The following KREMEN1 variants were observed in gnomAD, a reference collection of about 807,000 sequenced individuals.
KREMEN1 encodes kremen protein 1.
In KREMEN1, 30 loss-of-function variants were observed where a neutral mutation model predicts 46.5. The observed-to-expected ratio is 0.65, with a 90% CI of 0.48 to 0.88. The LOEUF is 0.88. KREMEN1 is among the 40% of genes least tolerant of loss of function. The probability of loss-of-function intolerance (pLI) is 0.00; values close to 1 mark genes in which losing one functional copy is unlikely to be tolerated. For missense variants in KREMEN1, 533 were observed against 596.9 expected, an observed-to-expected ratio of 0.89 and a Z score of 1.11; for synonymous variants, 214 against 230.6, an observed-to-expected ratio of 0.93 and a Z score of 0.65.
In KREMEN1 at chr22:29,098,911, G is replaced by C; in HGVS notation, c.310G>C (p.Asp104His). ...SPWCYVAEHE[D>H]GVYWKYCEIP... ...CTGGTGCTATGTGGCAGAGCACGAG[G>C]ATGGTGTCTACTGGAAGTACTGTGA... Residue 104 changes from aspartate (D) to histidine (H), a missense_variant, in exon 3 of 9, where the codon GAT (aspartate) becomes CAT (histidine). Physicochemically the swap from Asp to His is moderately conservative, Grantham distance 81. Coordinates refer to ENST00000400335, the MANE Select transcript of KREMEN1 (RefSeq NM_001039570.3). The C allele has an allele frequency of 6.2e-7, 1 of 1,614,176 alleles. No homozygotes were observed. The highest frequency in any genetic ancestry group is 8.5e-7 in the Non-Finnish European group (1 of 1,180,010).
intron 4 of KREMEN1, 64 bp from the exon 5 acceptor site, chr22:29,125,199 G>A: frequency 1.3e-6 from 2 of 1,576,988 alleles, no homozygotes; most frequent in Non-Finnish European, 8.7e-7. Context: ...ACCCTGCCAG[G>A]CTCCTTCAGG....
intron 9 of KREMEN1, among the ~76,000 whole-genome samples, chr22:29,165,010 T>G (rs552598143): frequency 6.6e-6 from 1 of 151,734 alleles, no homozygotes; most frequent in Non-Finnish European, 1.5e-5. Context: ...CCGTCCCTAC[T>G]AAAAATACAA....
rs2038421935 is a variant in KREMEN1, at chr22:29,125,218, C to T, written c.478-45C>T. On this transcript the variant is annotated intron_variant, in intron 4 of 8. Transcript: ENST00000400335. ...TGCCAGGCTCCTTCAGGCCATCTGA[C>T]ATCCCTGATGATGCTTACCGTGTGC... 1.9e-6 allele frequency: 3 copies of T among 1,600,088 alleles called. No individual in the cohort carries two copies. The South Asian group carries it at 3.3e-5, about 18-fold the overall frequency.
intron 2 of KREMEN1, among the ~76,000 whole-genome samples, chr22:29,094,736 G>T (rs1030041827): frequency 6.6e-6 from 1 of 150,742 alleles, no homozygotes; most frequent in African/African-American, 2.4e-5. Context: ...CCATTCTCCT[G>T]CCTCAGCCTC....
At chr22:29,127,543 A>T (rs2038464895) in intron 5 of KREMEN1, among the ~76,000 whole-genome samples, 1 of 152,078 alleles carries the variant, frequency 6.6e-6, no homozygotes, top group Non-Finnish European at 1.5e-5. Context: ...CGTGCCTGTA[A>T]TCCCAGCTAC....
At chr22:29,158,133 A>T (rs2038979487) in intron 9 of KREMEN1, among the ~76,000 whole-genome samples, 1 of 152,206 alleles carries the variant, frequency 6.6e-6, no homozygotes, top group South Asian at 2.1e-4. Flanking sequence ...TCAGCACATG[A>T]GAGCATGAGG....
chr22:29,115,950 G>A (rs134691), intron 3 of KREMEN1, among the ~76,000 whole-genome samples: 84,428 of 151,964 alleles, frequency 0.56, 24,204 homozygotes, highest in African/African-American at 0.67. Flanking sequence ...AGAGGGGAAG[G>A]GGGAGCAGCA....
chr22:29,150,398 G>A (rs555068149), downstream of KREMEN1, among the ~76,000 whole-genome samples: 2 of 152,332 alleles, frequency 1.3e-5, no homozygotes, highest in South Asian at 2.1e-4. Context: ...CACAAGAAGC[G>A]TTTTAGGGGG....
At chr22:29,164,233 A>C (rs1446063742) in intron 9 of KREMEN1, among the ~76,000 whole-genome samples, 1 of 152,250 alleles carries the variant, frequency 6.6e-6, no homozygotes, top group Non-Finnish European at 1.5e-5. Flanking sequence ...GCCTTCTTGA[A>C]GTCAAAGAGG....
chr22:29,103,602 C>T (rs1182198014), intron 3 of KREMEN1, among the ~76,000 whole-genome samples: 3 of 152,182 alleles, frequency 2.0e-5, no homozygotes, highest in South Asian at 2.1e-4. Flanking sequence ...CAAATTCCAA[C>T]GTCTTCGGGT....
In KREMEN1 at chr22:29,082,219, TA is replaced by T. The variant is rs374937877; in HGVS notation, c.97+8993del. Among the ~76,000 whole-genome samples the T allele has an allele frequency of 1.8e-4, 27 of 152,238 alleles. No individual in the cohort carries two copies. In the East Asian group the frequency reaches 1.9e-3, roughly 11 times the overall value. On this transcript the variant is annotated intron_variant, in intron 1 of 8. Coordinates refer to ENST00000400335, the MANE Select transcript of KREMEN1 (RefSeq NM_001039570.3). ...TAAAATTCATATTTTTATTTTATTT[TA>T]TTTTATTTTATTTTTTAGATGGAGT...
chr22:29,074,405 T>TCA (rs2037533127), intron 1 of KREMEN1, among the ~76,000 whole-genome samples: 1 of 152,228 alleles, frequency 6.6e-6, no homozygotes, highest in Non-Finnish European at 1.5e-5. Flanking sequence ...GACAGGTCAC[T>TCA]CACTACCCAG....
chr22:29,140,262 T>G lies in KREMEN1; in HGVS notation c.1124-20T>G, dbSNP rs1426997998. The G allele has an allele frequency of 6.2e-7, 1 of 1,603,916 alleles. No individual in the cohort carries two copies. The highest frequency in any genetic ancestry group is 1.3e-5 in the African/African-American group (1 of 74,684). On this transcript the variant is annotated intron_variant, in intron 7 of 8. Coordinates refer to ENST00000400335, the MANE Select transcript of KREMEN1 (RefSeq NM_001039570.3). ...CCAACCATAAACAAGTCTGGTAAGC[T>G]CTGTCTTTTGCACTTGCAGGATGGA...
At chr22:29,158,801 T>C (rs1009648711) in intron 9 of KREMEN1, among the ~76,000 whole-genome samples, 11 of 152,084 alleles carry the variant, frequency 7.2e-5, no homozygotes, top group Non-Finnish European at 1.5e-5. Flanking sequence ...TCGGCAGTAG[T>C]GGTCAGCTCA....
intron 3 of KREMEN1, among the ~76,000 whole-genome samples, chr22:29,117,235 CTG>C (rs1409696216): frequency 3.9e-5 from 6 of 152,146 alleles, no homozygotes; most frequent in Non-Finnish European, 7.4e-5. Flanking sequence ...GCTTATTAAA[CTG>C]GACCATGCTG....
rs537790794 is a variant in KREMEN1 at position 29,125,893 on chromosome 22, C to T, written c.631+477C>T. ...AGGCCTGGCATTGGGTTTGCCCTGACCCACCTCCTCTCTAAACTGCCGCAT... is the reference window on the plus strand; with the variant it reads ...AGGCCTGGCATTGGGTTTGCCCTGATCCACCTCCTCTCTAAACTGCCGCAT... On this transcript the variant is annotated intron_variant, in intron 5 of 8. Transcript: ENST00000400335. 4.3e-4 allele frequency among the ~76,000 whole-genome samples: 65 copies of T among 152,026 alleles called. 1 individual carries two copies. The highest frequency in any genetic ancestry group is 2.3e-3 in the Admixed American group (35 of 15,290).
downstream of KREMEN1, among the ~76,000 whole-genome samples, chr22:29,150,806 C>A (rs1209549605): frequency 6.6e-6 from 1 of 152,126 alleles, no homozygotes; most frequent in East Asian, 1.9e-4. Context: ...TACTGTGTAC[C>A]AGACGCTGTG....
intron 3 of KREMEN1, among the ~76,000 whole-genome samples, chr22:29,106,964 A>C (rs777260940): frequency 2.8e-4 from 43 of 152,162 alleles, no homozygotes; most frequent in African/African-American, 8.4e-4. Flanking sequence ...GGAGTAAAGC[A>C]GGCTGAGATG....
intron 3 of KREMEN1, among the ~76,000 whole-genome samples, chr22:29,117,437 G>A (rs971940307): frequency 6.6e-6 from 1 of 152,022 alleles, no homozygotes; most frequent in Admixed American, 6.5e-5. Flanking sequence ...CGTGGTGGCG[G>A]GCGCCTATAG....
Sources: allele counts gnomAD v4.1 joint callset (sites outside exome capture counted in the v4.1 genomes callset), GRCh38; gene constraint gnomAD v4.1.1; transcripts MANE v1.5; gene names NCBI Gene and HGNC (gene_info 2026-07-23, HGNC 2026-07-21).